The following ERG variants were observed in gnomAD, a reference collection of about 807,000 sequenced individuals.
ERG encodes transcriptional regulator ERG.
Under a neutral mutation model 55.3 loss-of-function variants are expected in ERG, and 9 were observed. The observed-to-expected ratio is 0.16, with a 90% CI of 0.10 to 0.28. The LOEUF (loss-of-function observed/expected upper bound fraction) is 0.28. ERG is among the 10% of genes least tolerant of loss of function. ERG has a pLI of 1.00. For missense variants in ERG, 434 were observed against 631.6 expected, an observed-to-expected ratio of 0.69 and a Z score of 3.35; for synonymous variants, 223 against 237.3, an observed-to-expected ratio of 0.94 and a Z score of 0.55.
At chr21:38,447,077 A>T (rs935021808) in intron 1 of ERG, among the ~76,000 whole-genome samples, 2 of 152,102 alleles carry the variant, frequency 1.3e-5, no homozygotes, top group African/African-American at 4.8e-5. Context: ...CAGAAGGATC[A>T]GAATTTTTAG....
At chr21:38,592,065 T>A (rs900022587) in intron 1 of ERG, among the ~76,000 whole-genome samples, 4 of 152,208 alleles carry the variant, frequency 2.6e-5, no homozygotes, top group Non-Finnish European at 2.9e-5. Context: ...GGGTCAGTTC[T>A]GGCAGGAAGG....
In ERG at chr21:38,524,866, G is replaced by A. The variant is rs991851693; in HGVS notation, c.-41+50796C>T. ...CCCAGTTCATCCTGAGCATTGGTGA[G>A]CAAATAACTTCTGAAATGCTCTTGA... On this transcript the variant is annotated intron_variant, in intron 2 of 8. Coordinates refer to the ERG transcript ENST00000398897. Among the ~76,000 whole-genome samples, 44 of 152,204 alleles carry A rather than the reference G, an allele frequency of 2.9e-4. 1 individual carries two copies. The highest frequency in any genetic ancestry group is 1.3e-4 in the Non-Finnish European group (9 of 68,038).
chr21:38,430,040 T>C (rs1990134115), intron 2 of ERG, among the ~76,000 whole-genome samples: 1 of 152,186 alleles, frequency 6.6e-6, no homozygotes, highest in South Asian at 2.1e-4. Context: ...CCATTGGCAG[T>C]GTAAAAGTGT....
chr21:38,513,648 C>A (rs1012680827), intron 2 of ERG, among the ~76,000 whole-genome samples: 1 of 151,932 alleles, frequency 6.6e-6, no homozygotes, highest in Non-Finnish European at 1.5e-5. Context: ...CTTGGTTCTG[C>A]AAATAAAACA....
intron 1 of ERG, among the ~76,000 whole-genome samples, chr21:38,616,990 T>C (rs559959581): frequency 2.6e-5 from 4 of 152,334 alleles, no homozygotes; most frequent in African/African-American, 9.6e-5. Context: ...CATGAAAATA[T>C]ATTGAGGGAT....
chr21:38,564,101 A>G (rs898490463), intron 2 of ERG, among the ~76,000 whole-genome samples: 4 of 152,224 alleles, frequency 2.6e-5, no homozygotes, highest in Admixed American at 2.6e-4. Context: ...AAACTGCTGC[A>G]AAGTGATGCT....
At chr21:38,588,292 G>A (rs917373063), upstream of ERG, among the ~76,000 whole-genome samples, 1 of 151,072 alleles carries the variant, frequency 6.6e-6, no homozygotes, top group South Asian at 2.1e-4. Flanking sequence ...AGGTCAAGGA[G>A]TCACATGACC....
intron 2 of ERG, among the ~76,000 whole-genome samples, chr21:38,565,936 C>T (rs1414969535): frequency 1.3e-5 from 2 of 152,142 alleles, no homozygotes; most frequent in African/African-American, 4.8e-5. Context: ...AATGAGATAA[C>T]GTAACTTGTT....
intron 5 of ERG, 46 bp from the exon 6 acceptor site, chr21:38,400,691 G>T (rs778937963): frequency 1.4e-6 from 2 of 1,454,714 alleles, no homozygotes; most frequent in Non-Finnish European, 1.9e-6. Flanking sequence ...TTTTGTTGTG[G>T]TTGTCGATCT....
At chr21:38,513,197 C>G (rs1196060522) in intron 2 of ERG, among the ~76,000 whole-genome samples, 1 of 151,558 alleles carries the variant, frequency 6.6e-6, no homozygotes, top group Admixed American at 6.6e-5. Context: ...ATTAATATAG[C>G]TACAAAGAGG....
chr21:38,439,013 C>A (rs1190794508), intron 2 of ERG, among the ~76,000 whole-genome samples: 5 of 152,220 alleles, frequency 3.3e-5, no homozygotes, highest in African/African-American at 1.2e-4. Flanking sequence ...AATCACCACA[C>A]CGGGGGAACC....
At chr21:38,421,225 T>C (rs1261140893) in intron 3 of ERG, among the ~76,000 whole-genome samples, 2 of 152,202 alleles carry the variant, frequency 1.3e-5, no homozygotes, top group Non-Finnish European at 2.9e-5. Flanking sequence ...ATGCATGGCC[T>C]CTGTACCTGT....
chr21:38,441,928 A>G (rs1031644284), intron 2 of ERG, among the ~76,000 whole-genome samples: 5 of 152,230 alleles, frequency 3.3e-5, no homozygotes, highest in Non-Finnish European at 5.9e-5. Flanking sequence ...AACCCACCGG[A>G]GGACCCGGAG....
chr21:38,548,945 C>A (rs924467662), intron 2 of ERG, among the ~76,000 whole-genome samples: 1 of 150,818 alleles, frequency 6.6e-6, no homozygotes, highest in Non-Finnish European at 1.5e-5. Context: ...CCCGCCTCTA[C>A]TAAAAAAATA....
intron 2 of ERG, among the ~76,000 whole-genome samples, chr21:38,541,979 C>CTA (rs3065390): frequency 0.87 from 132,054 of 152,052 alleles, 57,556 homozygotes; most frequent in South Asian, 0.92. Flanking sequence ...TAAAAATACT[C>CTA]TACACTGTTT....
At chr21:38,488,890 G>C (rs1036846083) in intron 1 of ERG, among the ~76,000 whole-genome samples, 2 of 152,210 alleles carry the variant, frequency 1.3e-5, no homozygotes, top group African/African-American at 2.4e-5. Context: ...TGACACCGAG[G>C]ATGAGAACGA....
chr21:38,411,613 T>A (rs967001655), intron 3 of ERG, among the ~76,000 whole-genome samples: 1 of 152,190 alleles, frequency 6.6e-6, no homozygotes, highest in East Asian at 1.9e-4. Context: ...CAGCTGAAAT[T>A]AGCTTTTTAA....
intron 3 of ERG, among the ~76,000 whole-genome samples, chr21:38,419,877 A>G (rs1231740941): frequency 6.6e-6 from 1 of 152,174 alleles, no homozygotes; most frequent in East Asian, 1.9e-4. Flanking sequence ...CAATCTGAAC[A>G]CGGACAAAGC....
At chr21:38,600,646 C>T (rs187779749) in intron 1 of ERG, among the ~76,000 whole-genome samples, 5 of 152,284 alleles carry the variant, frequency 3.3e-5, no homozygotes, top group East Asian at 1.9e-4. Flanking sequence ...CAAGGGGCTC[C>T]GTTTTATTTG....
Sources: gnomAD v4.1 joint callset for allele counts (sites outside exome capture counted in the v4.1 genomes callset) on GRCh38, gnomAD v4.1.1 for gene constraint, MANE v1.5 for transcripts, NCBI Gene and HGNC (gene_info 2026-07-23, HGNC 2026-07-21) for gene names.